TMEM35B: variants seen among roughly 807,000 people sequenced by gnomAD.
The protein encoded by TMEM35B is transmembrane protein 35B, also known as ZMYM6 neighbor protein.
Under a neutral mutation model 8.7 loss-of-function variants are expected in TMEM35B, and 6 were observed. That is an observed-to-expected ratio of 0.69 (90% CI 0.38 to 1.36). The LOEUF (loss-of-function observed/expected upper bound fraction) is 1.36. Ranked by LOEUF, TMEM35B falls within the 40% of genes most tolerant of loss-of-function variation. The pLI, the probability that TMEM35B is intolerant of heterozygous loss-of-function variation, is 0.02. For missense variants in TMEM35B, 176 were observed against 181.6 expected (o/e 0.97, Z 0.18); for synonymous variants, 89 against 87.0 (o/e 1.02, Z -0.13).
At chr1:34,983,240 G>C (rs1640525643) in intron 2 of TMEM35B, among the ~76,000 whole-genome samples, 1 of 152,146 alleles carries the variant, frequency 6.6e-6, no homozygotes, top group Non-Finnish European at 1.5e-5. Flanking sequence ...GAGGTAGAAG[G>C]TACACTTAAC....
chr1:34,983,765 AC>A lies in TMEM35B; in HGVS notation c.289+1del. On this transcript the variant is annotated splice_donor_variant, in intron 2 of 2. Coordinates refer to ENST00000373337, the Ensembl canonical transcript of TMEM35B. LOFTEE classifies it high-confidence loss of function. ...TTTTCTCAGGCCAGTTGGCCCCCTT[AC>A]CCATCATGAGCAGAATCAAGAACAA... 4.6e-6 allele frequency: 7 copies of A among 1,507,786 alleles called. No homozygotes were observed. Among genetic ancestry groups the A allele is most frequent in the East Asian group, 2.6e-5 (1 of 38,960 alleles). The allele number at this position is 1,507,786 out of a possible 1,614,324, so 93.4% of individuals were successfully genotyped here.
chr1:34,981,818 G>T, exon 3 of TMEM35B: 1 of 945,860 alleles, frequency 1.1e-6, no homozygotes, highest in Non-Finnish European at 1.5e-6. Flanking sequence ...AGCAGTGCCA[G>T]GTAGACAAAA....
intron 1 of TMEM35B, 69 bp from the exon 2 acceptor site, chr1:34,984,016 G>A (rs539253999): frequency 6.2e-5 from 84 of 1,362,872 alleles, no homozygotes; most frequent in Non-Finnish European, 7.9e-5. Context: ...ATGCTCCATG[G>A]CATATCTATG....
chr1:34,983,799 A>C, exon 2 of TMEM35B: 1 of 1,539,934 alleles, frequency 6.5e-7, no homozygotes, highest in Non-Finnish European at 8.8e-7. Flanking sequence ...CAAGTTACTG[A>C]TCTCTTGCAG....
chr1:34,984,727 G>GC (rs1640546268), intron 1 of TMEM35B, among the ~76,000 whole-genome samples: 2 of 152,304 alleles, frequency 1.3e-5, no homozygotes, highest in South Asian at 4.1e-4. Flanking sequence ...CTTGTGTCCT[G>GC]CTTCCTGACT....
chr1:34,981,926 T>C, exon 3 of TMEM35B: 3 of 1,514,604 alleles, frequency 2.0e-6, no homozygotes, highest in Non-Finnish European at 2.7e-6. Flanking sequence ...CTGCATGGCA[T>C]AAAGAGACAG....
chr1:34,983,578 C>CAAAAAAAAAAAAAAAAAA (rs1163962621), intron 2 of TMEM35B, among the ~76,000 whole-genome samples, 189 bp downstream of exon 2: 5 of 23,220 alleles, frequency 2.2e-4, no homozygotes, highest in African/African-American at 5.2e-4. Context: ...GACTCCATCT[C>CAAAAAAAAAAAAAAAAAA]AAAAAAAAAA....
chr1:34,985,304 A>G (rs952781789), exon 1 of TMEM35B: 6 of 1,530,790 alleles, frequency 3.9e-6, no homozygotes, highest in African/African-American at 1.4e-5. Context: ...CAGGAGCGCC[A>G]TGGCCGCGCT....
At position 34,985,137 on chromosome 1, in the gene TMEM35B, G is replaced by C. The variant is rs532886865; in HGVS notation, c.108+61C>G. 1,428 of 1,335,488 alleles carry C rather than the reference G, an allele frequency of 1.1e-3. 11 individuals carry two copies. The African/African-American group carries it at 0.02, about 19-fold the overall frequency. The allele number at this position is 1,335,488 out of a possible 1,614,324, so 82.7% of individuals were successfully genotyped here. On this transcript the variant is annotated intron_variant, in intron 1 of 2. Transcript: ENST00000373337. ...GCCTGCCGGGCCGGGGGCGAGGAGCGGCAGGGCGGAGCACACGCCGCCGCG... is the reference window on the plus strand; with the variant it reads ...GCCTGCCGGGCCGGGGGCGAGGAGCCGCAGGGCGGAGCACACGCCGCCGCG...
At chr1:34,985,016 A>AG (rs146523902) in intron 1 of TMEM35B, among the ~76,000 whole-genome samples, 182 bp downstream of exon 1, 8,598 of 152,150 alleles carry the variant, frequency 0.057, 717 homozygotes, top group African/African-American at 0.19. Flanking sequence ...GGGAAGATCC[A>AG]GAGAACTCGA....
intron 1 of TMEM35B, among the ~76,000 whole-genome samples, chr1:34,984,448 C>G (rs1403373562): frequency 1.3e-5 from 2 of 152,232 alleles, no homozygotes; most frequent in Non-Finnish European, 2.9e-5. Context: ...CCTGTTCCCA[C>G]TCCTCAGCTC....
At chr1:34,985,091 A>G (rs1378259957) in intron 1 of TMEM35B, 107 bp downstream of exon 1, 1 of 815,494 alleles carries the variant, frequency 1.2e-6, no homozygotes, top group Non-Finnish European at 1.7e-6. Context: ...GCTCCAGCTG[A>G]GCCTCGGAAG....
chr1:34,985,149 C>A (rs1187410557), intron 1 of TMEM35B, 49 bp downstream of exon 1: 1 of 1,433,168 alleles, frequency 7.0e-7, no homozygotes, highest in African/African-American at 1.5e-5. Context: ...CAGGGCGGAG[C>A]ACACGCCGCC....
chr1:34,982,519 G>A (rs900161654), intron 2 of TMEM35B, among the ~76,000 whole-genome samples: 1 of 148,272 alleles, frequency 6.7e-6, no homozygotes, highest in African/African-American at 2.5e-5. Flanking sequence ...GTGCAATGGC[G>A]TGATCTCCTG....
At chr1:34,981,407 G>A (rs1640505117), downstream of TMEM35B, 1 of 152,158 alleles carries the variant, frequency 6.6e-6, no homozygotes, top group African/African-American at 2.4e-5. Flanking sequence ...TTTACTGTGA[G>A]GCTTACGAGA....
intron 2 of TMEM35B, 37 bp from the exon 3 acceptor site, chr1:34,982,156 A>T: frequency 6.7e-7 from 1 of 1,502,486 alleles, no homozygotes. Flanking sequence ...GCTCCTTGGA[A>T]GAACCCAGGA....
chr1:34,985,144 C>A, intron 1 of TMEM35B, 54 bp downstream of exon 1: 2 of 1,404,804 alleles, frequency 1.4e-6, no homozygotes. Context: ...AGCGGCAGGG[C>A]GGAGCACACG....
At chr1:34,983,913 G>A (rs760883742) in exon 2 of TMEM35B, 21 of 1,534,130 alleles carry the variant, frequency 1.4e-5, no homozygotes, top group Admixed American at 2.0e-5. Context: ...TACCTTCAGC[G>A]GGAACACCTC....
In TMEM35B at chr1:34,982,017, A is replaced by T; in HGVS notation, c.392T>A (p.Leu131Ter). 1 of 1,550,538 alleles carries T rather than the reference A, an allele frequency of 6.4e-7. No individual in the cohort carries two copies. Among genetic ancestry groups the T allele is most frequent in the Admixed American group, 2.0e-5 (1 of 50,980 alleles). ...TCTGACCACCTTCTTAGTCTGGGCT[A>T]AGAGCTGGCCGACATTCAGCAGCAG... is the stretch of plus-strand genomic sequence containing the variant. The change falls in exon 3 of 3, where the codon TTA becomes TAA. Residue 131 changes from leucine (L) to a stop codon, truncating the protein, a stop_gained. Transcript: ENST00000373337. LOFTEE classifies it low-confidence loss of function (END_TRUNC).
Sources: allele counts gnomAD v4.1 joint callset (sites outside exome capture counted in the v4.1 genomes callset), GRCh38; gene constraint gnomAD v4.1.1; transcripts MANE v1.5; gene names NCBI Gene and HGNC (gene_info 2026-07-23, HGNC 2026-07-21).